The following MAEA variants were observed in gnomAD, a reference collection of about 807,000 sequenced individuals.
The protein encoded by MAEA is macrophage erythroblast attacher, E3 ubiquitin ligase.
A neutral mutation model predicts 46.2 loss-of-function variants in MAEA; 22 were observed. The ratio of observed to expected loss-of-function variants is 0.48; its 90% CI spans 0.34 to 0.68. The LOEUF (loss-of-function observed/expected upper bound fraction) is 0.68, where lower values mean the gene tolerates loss of function less well. MAEA is among the 30% of genes least tolerant of loss of function. The pLI is 0.01. For missense variants in MAEA, 393 were observed against 558.1 expected, an observed-to-expected ratio of 0.70 and a Z score of 2.98; for synonymous variants, 246 against 222.6, an observed-to-expected ratio of 1.11 and a Z score of -0.94.
chr4:1,310,393 G>A (rs1424876115), intron 1 of MAEA, among the ~76,000 whole-genome samples: 1 of 152,244 alleles, frequency 6.6e-6, no homozygotes, highest in Non-Finnish European at 1.5e-5. Flanking sequence ...GAATCCTTGG[G>A]AGAAATCTTG....
chr4:1,324,871 G>A (rs1211653425), intron 4 of MAEA, among the ~76,000 whole-genome samples: 3 of 150,270 alleles, frequency 2.0e-5, no homozygotes, highest in African/African-American at 4.9e-5. Context: ...TTGGATGAGC[G>A]TGCCTGGTGT....
intron 1 of MAEA, chr4:1,310,077 TTC>T: frequency 9.7e-7 from 1 of 1,027,600 alleles, no homozygotes; most frequent in Non-Finnish European, 1.2e-6. Context: ...GGCGAAGACT[TTC>T]TGTCCTGCTC....
rs180929670 is a variant in MAEA, at chr4:1,326,114, G to T, written c.580-1513G>T. 3.8e-3 allele frequency among the ~76,000 whole-genome samples: 586 copies of T among 152,320 alleles called. 3 individuals carry two copies. The highest frequency in any genetic ancestry group is 0.013 in the African/African-American group (551 of 41,574). ...GGAGCCACTGCTGTGGGTGCTATGCGTGTCGGGGCAGCAAGGCTGGCAGGC... is the reference window on the plus strand; with the variant it reads ...GGAGCCACTGCTGTGGGTGCTATGCTTGTCGGGGCAGCAAGGCTGGCAGGC... On this transcript the variant is annotated intron_variant, in intron 4 of 8. Transcript: ENST00000303400.
chr4:1,309,956 G>C (rs1736280247), intron 1 of MAEA: 1 of 1,258,216 alleles, frequency 7.9e-7, no homozygotes, highest in African/African-American at 1.5e-5. Context: ...GGGACGTCCA[G>C]AGAGGCCTTT....
chr4:1,298,652 T>C (rs968695610), intron 1 of MAEA, among the ~76,000 whole-genome samples: 21 of 152,282 alleles, frequency 1.4e-4, no homozygotes, highest in African/African-American at 5.1e-4. Context: ...CCCCTCGGGC[T>C]CCTAGAGCGC....
chr4:1,329,323 G>T, intron 5 of MAEA: 5 of 985,660 alleles, frequency 5.1e-6, no homozygotes, highest in Non-Finnish European at 4.8e-6. Flanking sequence ...CTCCGTGTAG[G>T]GTCTCTTTGC....
chr4:1,329,495 A>T lies in MAEA; in HGVS notation c.656+1792A>T, dbSNP rs1210104334. 4.1e-6 allele frequency: 4 copies of T among 984,962 alleles called. No homozygotes were observed. The African/African-American group carries it at 7.0e-5, about 17-fold the overall frequency. 61.0% of individuals were successfully genotyped at this position (984,962 alleles called of 1,614,324 possible). On this transcript the variant is annotated intron_variant, in intron 5 of 8. Transcript: ENST00000303400. ...CGTGTCCTTCCTCCCGCAAGCAGACACGTGCTGCCTCGAAGCCTCAGCAGC... is the reference window on the plus strand; with the variant it reads ...CGTGTCCTTCCTCCCGCAAGCAGACTCGTGCTGCCTCGAAGCCTCAGCAGC...
intron 6 of MAEA, chr4:1,334,839 C>T (rs1712537378): frequency 1.0e-6 from 1 of 984,838 alleles, no homozygotes; most frequent in Admixed American, 6.1e-5. Context: ...AGCTGTTCTT[C>T]TCAGTGAGGA....
At chr4:1,328,394 C>T (rs1455720994) in intron 5 of MAEA, among the ~76,000 whole-genome samples, 4 of 152,220 alleles carry the variant, frequency 2.6e-5, no homozygotes, top group African/African-American at 9.6e-5. Context: ...GCAGTGTCGG[C>T]CAGTTCATGC....
chr4:1,311,946 A>G lies in MAEA; in HGVS notation c.70-33A>G. ...GGGCTGGTGGGGCTCACACCAGGGG[A>G]GCAGATCCCTCACCATCCTCCTTCC... On this transcript the variant is annotated intron_variant, in intron 1 of 8. Transcript: ENST00000303400. This position sits in a 1 kb window ranked among gnomAD's most constrained non-coding sequence, Gnocchi z 4.4. The G allele has an allele frequency of 6.3e-7, 1 of 1,583,606 alleles. No homozygotes were observed. The highest frequency in any genetic ancestry group is 8.6e-7 in the Non-Finnish European group (1 of 1,159,442).
chr4:1,306,971 G>A (rs759933826), intron 1 of MAEA, among the ~76,000 whole-genome samples: 4 of 152,144 alleles, frequency 2.6e-5, no homozygotes, highest in Non-Finnish European at 4.4e-5. Flanking sequence ...GTATGTAAAT[G>A]GACCCTGCCT....
intron 2 of MAEA, among the ~76,000 whole-genome samples, chr4:1,313,916 C>CT (rs1268787739): frequency 1.3e-5 from 2 of 150,000 alleles, no homozygotes; most frequent in Non-Finnish European, 3.0e-5. Flanking sequence ...CACCTGTAGT[C>CT]TCAGCTAATT....
At chr4:1,291,672 A>T (rs929884932) in intron 1 of MAEA, among the ~76,000 whole-genome samples, 3 of 152,226 alleles carry the variant, frequency 2.0e-5, no homozygotes, top group Non-Finnish European at 4.4e-5. Context: ...TGTGGGAAAC[A>T]CTAGATAGGA....
At chr4:1,303,524 T>C (rs1218725648) in intron 1 of MAEA, among the ~76,000 whole-genome samples, 1 of 152,094 alleles carries the variant, frequency 6.6e-6, no homozygotes, top group Admixed American at 6.6e-5. Context: ...GAGTGGAGCG[T>C]CGCTGTATGC....
At position 1,330,118 on chromosome 4, in the gene MAEA, A is replaced by C. The variant is rs74614023; in HGVS notation, c.656+2415A>C. On this transcript the variant is annotated intron_variant, in intron 5 of 8. Transcript: ENST00000303400. ...ATTTGTGGGTTTTTGCGAAATGCAA[A>C]AGTATGAGCTGCTAGTGATTAACTT... 777 of 985,406 alleles carry C rather than the reference A, an allele frequency of 7.9e-4. 6 individuals carry two copies. The African/African-American group carries it at 0.013, about 16-fold the overall frequency. 61.0% of individuals were successfully genotyped at this position (985,406 alleles called of 1,614,324 possible).
rs780796679 is a variant in MAEA, at chr4:1,311,295, G to A, written c.70-684G>A. ...CGCTGGGGCGTGATTCTGTCGTGCC[G>A]CTTTCAAACCGTAGAGCACAGGAAA... On this transcript the variant is annotated intron_variant, in intron 1 of 8. Transcript: ENST00000303400. The surrounding 1 kb of genome is among the most constrained non-coding windows in gnomAD (Gnocchi z 4.4). 5.3e-5 allele frequency among the ~76,000 whole-genome samples: 8 copies of A among 152,254 alleles called. No individual in the cohort carries two copies. Among genetic ancestry groups the A allele is most frequent in the African/African-American group, 9.6e-5 (4 of 41,472 alleles).
intron 2 of MAEA, among the ~76,000 whole-genome samples, chr4:1,313,436 A>G (rs1238473361): frequency 6.6e-6 from 1 of 152,242 alleles, no homozygotes; most frequent in Non-Finnish European, 1.5e-5. Context: ...CTGTGCTTAA[A>G]GAACAGAAGC....
intron 5 of MAEA, chr4:1,329,254 G>T: frequency 1.0e-6 from 1 of 983,062 alleles, no homozygotes; most frequent in Non-Finnish European, 1.2e-6. Flanking sequence ...TCCGTGTAGG[G>T]TCTGTTTACC....
rs1177436378 is a variant in MAEA at position 1,289,907 on chromosome 4, C to T, written c.-7C>T. On this transcript the variant is annotated 5_prime_UTR_variant, in exon 1 of 9. Transcript: ENST00000303400. ...CCCCCGCCCGCTAATGTTTTGGCCG[C>T]TTCAAGATGGCGGTGCAGGAGTCGG... 6.3e-7 allele frequency: 1 copy of T among 1,595,742 alleles called. No individual in the cohort carries two copies. Among genetic ancestry groups the T allele is most frequent in the Non-Finnish European group, 8.5e-7 (1 of 1,170,404 alleles).
Sources: allele counts gnomAD v4.1 joint callset (sites outside exome capture counted in the v4.1 genomes callset), GRCh38; gene constraint gnomAD v4.1.1; non-coding constraint Gnocchi (gnomAD v3.1); transcripts MANE v1.5; gene names NCBI Gene and HGNC (gene_info 2026-07-23, HGNC 2026-07-21).